AMOTL1: variants seen among roughly 807,000 people sequenced by gnomAD.
AMOTL1 encodes the protein angiomotin-like protein 1.
A neutral mutation model predicts 102.9 loss-of-function variants in AMOTL1; 45 were observed. The ratio of observed to expected loss-of-function variants is 0.44; its 90% CI spans 0.34 to 0.56. The LOEUF is 0.56. AMOTL1 is among the 20% of genes least tolerant of loss of function. The pLI is 0.01. For missense variants in AMOTL1, 1,114 were observed against 1,225.6 expected (o/e 0.91, Z 1.36); for synonymous variants, 481 against 484.7 (o/e 0.99, Z 0.10).
chr11:94,831,606 A>G (rs1952073877), intron 6 of AMOTL1, 65 bp downstream of exon 6: 1 of 1,376,382 alleles, frequency 7.3e-7, no homozygotes, highest in Non-Finnish European at 1.0e-6. Context: ...TGAAGGAAGA[A>G]TCATATTAGT....
At chr11:94,836,949 C>T (rs1952195736) in intron 6 of AMOTL1, among the ~76,000 whole-genome samples, 1 of 152,050 alleles carries the variant, frequency 6.6e-6, no homozygotes, top group Non-Finnish European at 1.5e-5. Context: ...GTTTTGGTAA[C>T]AACTGGCCAG....
Position 94,777,206 on chromosome 11 carries a change from G to A in AMOTL1, c.49+8646G>A, listed in dbSNP as rs182335325. ...ATTTATACAAACATTGAAGATAATG[G>A]CGGTGTCAGGTTTGTTTAAACTAGT... On this transcript the variant is annotated intron_variant, in intron 1 of 12. Coordinates refer to ENST00000433060, the MANE Select transcript of AMOTL1 (RefSeq NM_130847.3). Among the ~76,000 whole-genome samples the A allele has an allele frequency of 2.4e-3, 361 of 152,262 alleles. 3 individuals are homozygous for A. The highest frequency in any genetic ancestry group is 8.4e-3 in the African/African-American group (349 of 41,550).
rs149523779 is a variant in AMOTL1 at position 94,834,012 on chromosome 11, A to G, written c.1648+2471A>G. 3.6e-3 allele frequency among the ~76,000 whole-genome samples: 553 copies of G among 152,300 alleles called. 2 individuals carry two copies. Among genetic ancestry groups the G allele is most frequent in the Non-Finnish European group, 4.5e-3 (303 of 68,010 alleles). ...CACAGCTCAGTGAGCAGGTATAACA[A>G]TAGGTGCAAAGATACTCAGAAGGTT... On this transcript the variant is annotated intron_variant, in intron 6 of 12. Coordinates refer to ENST00000433060, the MANE Select transcript of AMOTL1 (RefSeq NM_130847.3).
intron 11 of AMOTL1, among the ~76,000 whole-genome samples, chr11:94,867,548 T>C (rs1380330032): frequency 2.6e-5 from 4 of 152,174 alleles, no homozygotes; most frequent in Non-Finnish European, 4.4e-5. Context: ...AGCTGCTGTG[T>C]TCCCTGCACT....
At chr11:94,798,368 A>G (rs771860552) in intron 2 of AMOTL1, among the ~76,000 whole-genome samples, 1 of 152,186 alleles carries the variant, frequency 6.6e-6, no homozygotes, top group Non-Finnish European at 1.5e-5. Flanking sequence ...GAGGGTTGGC[A>G]GAGATGTTGA....
In AMOTL1 at chr11:94,859,655, T is replaced by C. The variant is rs1413495860; in HGVS notation, c.2075T>C (p.Leu692Pro). The C allele has an allele frequency of 6.2e-7, 1 of 1,613,186 alleles. No homozygotes were observed. Among genetic ancestry groups the C allele is most frequent in the Non-Finnish European group, 8.5e-7 (1 of 1,179,592 alleles). The change falls in exon 9 of 13, where the codon CTG (leucine) becomes CCG (proline). Residue 692 changes from leucine to proline, a missense_variant. Coordinates refer to ENST00000433060, the MANE Select transcript of AMOTL1 (RefSeq NM_130847.3). ...ADMTKWEQKY[L>P]EESTIRHFAM... ...ATGACAAAGTGGGAGCAGAAGTACCTGGAGGAGAGCACCATCCGACACTTT... is the reference window on the plus strand; with the variant it reads ...ATGACAAAGTGGGAGCAGAAGTACCCGGAGGAGAGCACCATCCGACACTTT...
intron 3 of AMOTL1, among the ~76,000 whole-genome samples, chr11:94,808,818 G>A (rs974341078): frequency 1.3e-5 from 2 of 151,942 alleles, no homozygotes; most frequent in Non-Finnish European, 2.9e-5. Context: ...TTAAAGCATA[G>A]TTTAGTTAAC....
At chr11:94,774,584 TC>T (rs1158858089) in intron 1 of AMOTL1, among the ~76,000 whole-genome samples, 5 of 152,242 alleles carry the variant, frequency 3.3e-5, no homozygotes, top group Admixed American at 6.5e-5. Context: ...ACAGTTGTTC[TC>T]AAATGTGATT....
At chr11:94,797,517 A>T (rs549419578) in intron 2 of AMOTL1, among the ~76,000 whole-genome samples, 16 of 152,224 alleles carry the variant, frequency 1.1e-4, no homozygotes, top group Non-Finnish European at 2.1e-4. Flanking sequence ...TGTATAAATA[A>T]ATAATTGCCA....
At position 94,800,183 on chromosome 11, in the gene AMOTL1, A is replaced by T; in HGVS notation, c.993A>T (p.Gly331=). 1 of 1,613,928 alleles carries T rather than the reference A, an allele frequency of 6.2e-7. No individual in the cohort carries two copies. The highest frequency in any genetic ancestry group is 8.5e-7 in the Non-Finnish European group (1 of 1,179,848). ...MSPVSKTQEH[G]LFYGDQHPGM... Reference sequence around the variant, plus strand: ...CAGTCAGCAAGACCCAGGAGCACGGACTTTTTTATGGTGACCAGCACCCCG... The same window carrying T: ...CAGTCAGCAAGACCCAGGAGCACGGTCTTTTTTATGGTGACCAGCACCCCG... Residue 331 remains glycine, a synonymous_variant, in exon 3 of 13, where the codon GGA becomes GGT. Transcript: ENST00000433060.
In AMOTL1 at chr11:94,830,154, C is replaced by T. The variant is rs2076417212; in HGVS notation, c.1518C>T (p.Gly506=). 4 of 1,610,570 alleles carry T rather than the reference C, an allele frequency of 2.5e-6. No individual in the cohort carries two copies. The highest frequency in any genetic ancestry group is 2.2e-5 in the South Asian group (2 of 89,958). ...LDKAMRNKLE[G]EIRRLHDFNR... ...AGGCCATGAGAAACAAATTGGAAGG[C>T]GAGATTAGAAGACTTCATGATTTCA... Residue 506 remains glycine, a synonymous_variant, in exon 5 of 13, where the codon GGC becomes GGT. Coordinates refer to ENST00000433060, the MANE Select transcript of AMOTL1 (RefSeq NM_130847.3).
chr11:94,811,593 C>G (rs1035449373), intron 3 of AMOTL1, among the ~76,000 whole-genome samples: 1 of 151,710 alleles, frequency 6.6e-6, no homozygotes, highest in Non-Finnish European at 1.5e-5. Context: ...AATTCAGAGG[C>G]CTTGTTCCCC....
In AMOTL1 at chr11:94,717,673, C is replaced by T. The variant is rs191706686; in HGVS notation, c.-51+11076C>T. 7.3e-5 allele frequency among the ~76,000 whole-genome samples: 11 copies of T among 151,594 alleles called. No individual in the cohort carries two copies. The East Asian group carries it at 2.1e-3, about 29-fold the overall frequency. On this transcript the variant is annotated intron_variant, in intron 1 of 4. Coordinates refer to the AMOTL1 transcript ENST00000299004. Reference sequence around the variant, plus strand: ...TTAAGCATGGCTCCAAACTCAGATGCTATACAAAGAAAAAACTGATACATT... The same window carrying T: ...TTAAGCATGGCTCCAAACTCAGATGTTATACAAAGAAAAAACTGATACATT...
At chr11:94,712,969 A>G (rs528005169) in intron 1 of AMOTL1, among the ~76,000 whole-genome samples, 20 of 152,040 alleles carry the variant, frequency 1.3e-4, no homozygotes, top group Non-Finnish European at 2.5e-4. Flanking sequence ...TTTATACTTC[A>G]CATTTAGGTC....
chr11:94,742,405 G>T (rs1230560511), intron 3 of AMOTL1, among the ~76,000 whole-genome samples: 1 of 152,204 alleles, frequency 6.6e-6, no homozygotes, highest in Non-Finnish European at 1.5e-5. Context: ...ATAAGCAATG[G>T]TAGGATGAGC....
chr11:94,756,165 C>T (rs559779105), intron 3 of AMOTL1, among the ~76,000 whole-genome samples: 1 of 152,218 alleles, frequency 6.6e-6, no homozygotes, highest in East Asian at 1.9e-4. Context: ...CTCTTCTGCT[C>T]CTCTCAACGT....
intron 1 of AMOTL1, among the ~76,000 whole-genome samples, chr11:94,718,329 A>G (rs939864894): frequency 6.6e-6 from 1 of 151,196 alleles, no homozygotes; most frequent in South Asian, 2.1e-4. Flanking sequence ...CCTTACTTTA[A>G]CTATTTATTG....
chr11:94,767,426 A>G (rs1950868197), upstream of AMOTL1, among the ~76,000 whole-genome samples: 1 of 152,200 alleles, frequency 6.6e-6, no homozygotes, highest in Non-Finnish European at 1.5e-5. Context: ...GCCACAATCC[A>G]GGGAGGAGTC....
Position 94,827,780 on chromosome 11 carries a change from G to C in AMOTL1, c.1414-2270G>C, listed in dbSNP as rs970403829. Among the ~76,000 whole-genome samples the C allele has an allele frequency of 3.9e-5, 6 of 152,298 alleles. No homozygotes were observed. In the South Asian group the frequency reaches 6.2e-4, roughly 16 times the overall value. On this transcript the variant is annotated intron_variant, in intron 4 of 12. Transcript: ENST00000433060. Reference sequence around the variant, plus strand: ...CCCGTGCTCTCCAGCCTGTTCATCAGCCTCTTCTCAGCCATATCCTGGCTC... The same window carrying C: ...CCCGTGCTCTCCAGCCTGTTCATCACCCTCTTCTCAGCCATATCCTGGCTC...
Sources: allele counts gnomAD v4.1 joint callset (sites outside exome capture counted in the v4.1 genomes callset), GRCh38; gene constraint gnomAD v4.1.1; transcripts MANE v1.5; gene names NCBI Gene and HGNC (gene_info 2026-07-23, HGNC 2026-07-21).